The following SETBP1 variants were observed in gnomAD, a reference collection of about 807,000 sequenced individuals.
SETBP1 encodes SET binding protein 1.
In SETBP1, 9 loss-of-function variants were observed where a neutral mutation model predicts 101.0. That is an observed-to-expected ratio of 0.09 (90% CI 0.05 to 0.16). The LOEUF is 0.16. Among genes scored for constraint, SETBP1 ranks in the 10% least tolerant of loss-of-function variants. The pLI, the probability that SETBP1 is intolerant of heterozygous loss-of-function variation, is 1.00. For synonymous variants in SETBP1, 818 were observed against 788.5 expected (o/e 1.04, Z -0.63); for missense variants, 1,858 against 2,033.8 (o/e 0.91, Z 1.66).
intron 3 of SETBP1, among the ~76,000 whole-genome samples, chr18:44,878,837 A>G (rs999871896): frequency 6.6e-6 from 1 of 152,194 alleles, no homozygotes; most frequent in African/African-American, 2.4e-5. Context: ...GAGACCTCCA[A>G]AAGAGAGGGG....
intron 2 of SETBP1, among the ~76,000 whole-genome samples, chr18:44,789,956 A>T (rs546517764): frequency 3.4e-4 from 52 of 152,300 alleles, no homozygotes; most frequent in African/African-American, 1.2e-3. Context: ...AAGCTGTGTG[A>T]TCCAATTCAC....
chr18:44,923,366 T>C (rs189715484), intron 3 of SETBP1, among the ~76,000 whole-genome samples: 1 of 152,308 alleles, frequency 6.6e-6, no homozygotes, highest in East Asian at 1.9e-4. Context: ...ATTTAACTAA[T>C]GAACAAACTG....
chr18:44,865,808 C>T (rs532570128), intron 2 of SETBP1, among the ~76,000 whole-genome samples: 24 of 152,240 alleles, frequency 1.6e-4, no homozygotes, highest in Non-Finnish European at 3.1e-4. Context: ...TTGTACATAC[C>T]GTTTTTTCAG....
At chr18:45,002,134 C>T (rs1365605570) in intron 4 of SETBP1, among the ~76,000 whole-genome samples, 1 of 152,178 alleles carries the variant, frequency 6.6e-6, no homozygotes, top group Admixed American at 6.5e-5. Flanking sequence ...TGGCTCCCTG[C>T]CCTGCCACCC....
chr18:44,985,256 A>G (rs1218406566), intron 4 of SETBP1, among the ~76,000 whole-genome samples: 1 of 152,248 alleles, frequency 6.6e-6, no homozygotes, highest in Non-Finnish European at 1.5e-5. Flanking sequence ...AGTCTTAAAA[A>G]AAAAAGTTTA....
intron 2 of SETBP1, among the ~76,000 whole-genome samples, chr18:44,822,052 T>C (rs2072124476): frequency 6.6e-6 from 1 of 152,264 alleles, no homozygotes; most frequent in East Asian, 1.9e-4. Context: ...TTTATTTCTT[T>C]GATTTCCTGC....
At chr18:44,849,128 C>T (rs189258068) in intron 2 of SETBP1, among the ~76,000 whole-genome samples, 186 of 152,280 alleles carry the variant, frequency 1.2e-3, no homozygotes, top group South Asian at 7.5e-3. Context: ...GCCAGAACGT[C>T]CCCCATCTGC....
At chr18:45,031,570 G>GA (rs1428381110) in intron 4 of SETBP1, among the ~76,000 whole-genome samples, 4 of 151,966 alleles carry the variant, frequency 2.6e-5, no homozygotes, top group Non-Finnish European at 5.9e-5. Context: ...CACTTTAATG[G>GA]AAAAAAGGAG....
At chr18:44,716,818 C>T (rs2144308357) in intron 2 of SETBP1, among the ~76,000 whole-genome samples, 1 of 152,272 alleles carries the variant, frequency 6.6e-6, no homozygotes, top group East Asian at 1.9e-4. Flanking sequence ...CCACCTTGGC[C>T]TCCGAAAGTG....
At chr18:44,897,740 G>A (rs745432612) in intron 3 of SETBP1, among the ~76,000 whole-genome samples, 5 of 152,168 alleles carry the variant, frequency 3.3e-5, no homozygotes, top group Non-Finnish European at 7.4e-5. Context: ...GGCAAAACGA[G>A]GCCATCTTTT....
chr18:44,878,850 C>T (rs1236594168), intron 3 of SETBP1, among the ~76,000 whole-genome samples: 1 of 152,172 alleles, frequency 6.6e-6, no homozygotes, highest in African/African-American at 2.4e-5. Flanking sequence ...GAGAGGGGCC[C>T]TCATAGTGGA....
intron 2 of SETBP1, among the ~76,000 whole-genome samples, chr18:44,756,801 T>A (rs908890519): frequency 8.5e-5 from 13 of 152,252 alleles, no homozygotes; most frequent in African/African-American, 2.9e-4. Context: ...GGAGGAGAGC[T>A]TGCTCTCCTG....
intron 4 of SETBP1, among the ~76,000 whole-genome samples, chr18:45,028,935 C>G (rs957848510): frequency 6.6e-6 from 1 of 152,058 alleles, no homozygotes; most frequent in African/African-American, 2.4e-5. Flanking sequence ...GAGTAAGTTG[C>G]GAAAATTTTC....
At chr18:44,803,088 A>T (rs915820261) in intron 2 of SETBP1, among the ~76,000 whole-genome samples, 1 of 152,174 alleles carries the variant, frequency 6.6e-6, no homozygotes, top group Non-Finnish European at 1.5e-5. Context: ...GGGAGAGAAC[A>T]CACCATATAA....
At chr18:44,692,425 A>G (rs2068950258) in intron 1 of SETBP1, among the ~76,000 whole-genome samples, 1 of 152,240 alleles carries the variant, frequency 6.6e-6, no homozygotes, top group Non-Finnish European at 1.5e-5. Context: ...TATGTCATCA[A>G]GTCAGAACTG....
chr18:44,686,167 G>T (rs543534456), intron 1 of SETBP1, among the ~76,000 whole-genome samples: 1 of 152,210 alleles, frequency 6.6e-6, no homozygotes, highest in African/African-American at 2.4e-5. Context: ...CCAGAATCAG[G>T]AAAGTTCTTC....
rs1196136072 is a variant in SETBP1 at position 45,067,865 on chromosome 18, T to C, written c.*4167T>C. On this transcript the variant is annotated 3_prime_UTR_variant, in exon 6 of 6. Coordinates refer to ENST00000649279, the MANE Select transcript of SETBP1 (RefSeq NM_015559.3). ...CCACTTGCCCAGGTCTAATAAACAC[T>C]AAAGGGGGGAAATTGAAAGGAGCTG... 1 of 152,052 alleles carries C rather than the reference T, an allele frequency of 6.6e-6. No individual in the cohort carries two copies. Among genetic ancestry groups the C allele is most frequent in the African/African-American group, 2.4e-5 (1 of 41,380 alleles). 9.4% of individuals were successfully genotyped at this position (152,052 alleles called of 1,614,324 possible).
intron 4 of SETBP1, among the ~76,000 whole-genome samples, chr18:45,028,986 C>T (rs2073231926): frequency 6.6e-6 from 1 of 152,148 alleles, no homozygotes; most frequent in African/African-American, 2.4e-5. Context: ...CTAGTAGTTT[C>T]TTCTGCTGTG....
chr18:44,972,548 T>A (rs754158598), intron 4 of SETBP1, among the ~76,000 whole-genome samples: 1 of 152,168 alleles, frequency 6.6e-6, no homozygotes, highest in Non-Finnish European at 1.5e-5. Flanking sequence ...CTCTTTTATT[T>A]CATTGAGCAG....
Sources: allele counts gnomAD v4.1 joint callset (sites outside exome capture counted in the v4.1 genomes callset), GRCh38; gene constraint gnomAD v4.1.1; transcripts MANE v1.5; gene names NCBI Gene and HGNC (gene_info 2026-07-23, HGNC 2026-07-21).